The following DTWD1 variants were observed in gnomAD, a reference collection of about 807,000 sequenced individuals.
The protein encoded by DTWD1 is tRNA-uridine aminocarboxypropyltransferase 1.
In DTWD1, 27 loss-of-function variants were observed where a neutral mutation model predicts 30.2. The ratio of observed to expected loss-of-function variants is 0.90; its 90% CI spans 0.66 to 1.23. The LOEUF is 1.23. Ranked by LOEUF, DTWD1 falls within the 50% of genes most tolerant of loss-of-function variation. The probability of loss-of-function intolerance (pLI) is 0.00; values close to 1 mark genes in which losing one functional copy is unlikely to be tolerated. For synonymous variants in DTWD1, 99 were observed against 113.1 expected (o/e 0.88, Z 0.79); for missense variants, 342 against 348.8 (o/e 0.98, Z 0.15).
chr15:49,628,938 G>A (rs1274236270), intron 2 of DTWD1, among the ~76,000 whole-genome samples: 1 of 151,958 alleles, frequency 6.6e-6, no homozygotes, highest in African/African-American at 2.4e-5. Flanking sequence ...GTAGTTTGCT[G>A]CACCCATCAT....
At chr15:49,627,335 CTTTATT>C (rs1249620881) in intron 2 of DTWD1, among the ~76,000 whole-genome samples, 1 of 152,038 alleles carries the variant, frequency 6.6e-6, no homozygotes, top group Non-Finnish European at 1.5e-5. Context: ...CCAATTTTTA[CTTTATT>C]TTTATTTTAA....
At chr15:49,641,726 GT>G (rs1418320613) in intron 4 of DTWD1, among the ~76,000 whole-genome samples, 1 of 150,446 alleles carries the variant, frequency 6.6e-6, no homozygotes, top group Non-Finnish European at 1.5e-5. Context: ...CTGTTTTTTT[GT>G]TTGTTTGTTT....
chr15:49,631,121 A>G (rs2078915022), intron 2 of DTWD1: 2 of 239,842 alleles, frequency 8.3e-6, no homozygotes, highest in South Asian at 1.0e-4. Flanking sequence ...AAAGTGCACA[A>G]TAAGTGTAAT....
At position 49,647,749 on chromosome 15, in the gene DTWD1, G is replaced by T. The variant is rs1000361883; in HGVS notation, c.*4171G>T. ...TGGTGAAATCCTTCAAATATAAAAG[G>T]GGAAAAGGAGGGGAGAAAATCCAAA... On this transcript the variant is annotated 3_prime_UTR_variant, in exon 5 of 5. Coordinates refer to ENST00000403028, the MANE Select transcript of DTWD1 (RefSeq NM_001144955.2). 6.6e-6 allele frequency: 1 copy of T among 151,848 alleles called. No homozygotes were observed. The highest frequency in any genetic ancestry group is 1.5e-5 in the Non-Finnish European group (1 of 67,978). 9.4% of individuals were successfully genotyped at this position (151,848 alleles called of 1,614,324 possible). A position where few individuals can be genotyped will look rare whatever the true frequency, so the allele number is the denominator to read the frequency against.
Position 49,652,687 on chromosome 15 carries a change from CAAGAA to C in DTWD1, c.*9114_*9118del, listed in dbSNP as rs1334023989. 2.0e-5 allele frequency: 3 copies of C among 152,268 alleles called. No homozygotes were observed. Among genetic ancestry groups the C allele is most frequent in the South Asian group, 2.1e-4 (1 of 4,830 alleles). The allele number at this position is 152,268 out of a possible 1,614,324, so 9.4% of individuals were successfully genotyped here. On this transcript the variant is annotated 3_prime_UTR_variant, in exon 5 of 5. Coordinates refer to ENST00000403028, the MANE Select transcript of DTWD1 (RefSeq NM_001144955.2). ...CCCATCTTCTAAATTTCTGAGAGGT[CAAGAA>C]AAGAGGTCTCTTGATTCCTTTAGGA...
At chr15:49,635,461 T>G (rs2078988672) in intron 4 of DTWD1, among the ~76,000 whole-genome samples, 1 of 152,142 alleles carries the variant, frequency 6.6e-6, no homozygotes, top group African/African-American at 2.4e-5. Context: ...TTTTTTTTGT[T>G]TTTTGCCTTA....
intron 3 of DTWD1, among the ~76,000 whole-genome samples, chr15:49,633,015 T>G (rs1232987503): frequency 7.1e-6 from 1 of 139,994 alleles, no homozygotes; most frequent in African/African-American, 2.7e-5. Flanking sequence ...AGGAAGAACT[T>G]GGTAAATTTT....
In DTWD1 at chr15:49,654,739, A is replaced by G. The variant is rs1464827828; in HGVS notation, c.*11161A>G. The G allele has an allele frequency of 6.6e-6, 1 of 152,114 alleles. No homozygotes were observed. Among genetic ancestry groups the G allele is most frequent in the Non-Finnish European group, 1.5e-5 (1 of 68,008 alleles). 9.4% of individuals were successfully genotyped at this position (152,114 alleles called of 1,614,324 possible). On this transcript the variant is annotated 3_prime_UTR_variant, in exon 5 of 5. Transcript: ENST00000403028. ...TGGAGAGAAAGGCCACCTAAGGAAG[A>G]ACTGAGACGTCCCAGTCAATAGCAC... is the stretch of plus-strand genomic sequence containing the variant.
Position 49,625,362 on chromosome 15 carries a change from A to G in DTWD1, c.195A>G (p.Arg65=), listed in dbSNP as rs1402028508. 3 of 1,613,650 alleles carry G rather than the reference A, an allele frequency of 1.9e-6. No homozygotes were observed. The highest frequency in any genetic ancestry group is 1.7e-6 in the Non-Finnish European group (2 of 1,179,844). The part of the protein sequence containing the change: ...RSKCLKCGGS[R]MFYCYTCYVP... ...AATGTCTCAAATGTGGTGGTTCCAG[A>G]ATGTTCTACTGCTATACATGTTATG... The change falls in exon 2 of 5, where the codon AGA becomes AGG. Residue 65 remains arginine, a synonymous_variant. Coordinates refer to ENST00000403028, the MANE Select transcript of DTWD1 (RefSeq NM_001144955.2).
chr15:49,655,368 TAAGA>T lies in DTWD1; in HGVS notation c.*11799_*11802del, dbSNP rs2079172166. The stretch of plus-strand genomic sequence containing the variant: ...GTCTTTTCGTTAGTAGAAGAGGGGG[TAAGA>T]AAGAAAGACTTATGAAGAAAAGACC... On this transcript the variant is annotated 3_prime_UTR_variant, in exon 5 of 5. Coordinates refer to ENST00000403028, the MANE Select transcript of DTWD1 (RefSeq NM_001144955.2). The T allele has an allele frequency of 6.6e-6, 1 of 151,920 alleles. No individual in the cohort carries two copies. The highest frequency in any genetic ancestry group is 2.4e-5 in the African/African-American group (1 of 41,382). The allele number at this position is 151,920 out of a possible 1,614,324, so 9.4% of individuals were successfully genotyped here. A position where few individuals can be genotyped will look rare whatever the true frequency, so the allele number is the denominator to read the frequency against.
At position 49,648,629 on chromosome 15, in the gene DTWD1, G is replaced by A. The variant is rs1042969152; in HGVS notation, c.*5051G>A. ...ATTATTTTTAATTATGACATTTTTT[G>A]TATTCCCTTGAGGCACTGACAACTA... On this transcript the variant is annotated 3_prime_UTR_variant, in exon 5 of 5. Transcript: ENST00000403028. 1 of 152,054 alleles carries A rather than the reference G, an allele frequency of 6.6e-6. No homozygotes were observed. Among genetic ancestry groups the A allele is most frequent in the Admixed American group, 6.6e-5 (1 of 15,248 alleles). The allele number at this position is 152,054 out of a possible 1,614,324, so 9.4% of individuals were successfully genotyped here.
chr15:49,650,145 G>A lies in DTWD1; in HGVS notation c.*6567G>A, dbSNP rs898082457. ...ACTTGGCATGTTTGAGGAATAACAAGGACACTAGTTTGGAACAGTGTGTGG... is the reference window on the plus strand; with the variant it reads ...ACTTGGCATGTTTGAGGAATAACAAAGACACTAGTTTGGAACAGTGTGTGG... On this transcript the variant is annotated 3_prime_UTR_variant, in exon 5 of 5. Coordinates refer to ENST00000403028, the MANE Select transcript of DTWD1 (RefSeq NM_001144955.2). 6.6e-6 allele frequency: 1 copy of A among 152,002 alleles called. No individual in the cohort carries two copies. Among genetic ancestry groups the A allele is most frequent in the African/African-American group, 2.4e-5 (1 of 41,382 alleles). 9.4% of individuals were successfully genotyped at this position (152,002 alleles called of 1,614,324 possible).
At chr15:49,638,125 G>A (rs927901753) in intron 4 of DTWD1, among the ~76,000 whole-genome samples, 2 of 152,212 alleles carry the variant, frequency 1.3e-5, no homozygotes, top group Admixed American at 6.5e-5. Flanking sequence ...TTGCCAGTTT[G>A]AAGATTTTTC....
intron 1 of DTWD1, among the ~76,000 whole-genome samples, chr15:49,624,544 T>G (rs948614199): frequency 6.6e-6 from 1 of 152,214 alleles, no homozygotes; most frequent in Non-Finnish European, 1.5e-5. Context: ...TTTTTAAAAT[T>G]TATAGGATAA....
At chr15:49,634,882 T>TAA (rs2078980901) in intron 4 of DTWD1, 88 bp downstream of exon 4, 1 of 1,252,140 alleles carries the variant, frequency 8.0e-7, no homozygotes, top group African/African-American at 1.5e-5. Flanking sequence ...AAAGAGGAGT[T>TAA]ACACTGAATA....
At chr15:49,630,932 G>T (rs2078911531) in intron 2 of DTWD1, 2 of 414,106 alleles carry the variant, frequency 4.8e-6, no homozygotes, top group South Asian at 1.7e-5. Context: ...TGCATACAAG[G>T]GACCTAGATT....
chr15:49,629,949 T>C (rs1436667542), intron 2 of DTWD1: 1 of 152,122 alleles, frequency 6.6e-6, no homozygotes, highest in Non-Finnish European at 1.5e-5. Flanking sequence ...CCCAACATAA[T>C]TGTCCAGGAA....
In DTWD1 at chr15:49,638,544, T is replaced by C. The variant is rs181555102; in HGVS notation, c.667+3750T>C. ...ACCTCTGTATATGTGAAATACTGAT[T>C]TCTGAATAAACCGAGTTACTTCCAT... On this transcript the variant is annotated intron_variant, in intron 4 of 4. Transcript: ENST00000403028. Among the ~76,000 whole-genome samples, 12 of 152,288 alleles carry C rather than the reference T, an allele frequency of 7.9e-5. No individual in the cohort carries two copies. The East Asian group carries it at 2.3e-3, about 29-fold the overall frequency.
intron 3 of DTWD1, among the ~76,000 whole-genome samples, chr15:49,633,049 C>CTATCTATATA (rs2078947255): frequency 8.5e-6 from 1 of 117,316 alleles, no homozygotes; most frequent in Non-Finnish European, 1.7e-5. Context: ...ATATCTATAT[C>CTATCTATATA]TATATATATA....
Sources: gnomAD v4.1 joint callset for allele counts (sites outside exome capture counted in the v4.1 genomes callset) on GRCh38, gnomAD v4.1.1 for gene constraint, MANE v1.5 for transcripts, NCBI Gene and HGNC (gene_info 2026-07-23, HGNC 2026-07-21) for gene names.